PTPRN2: variants seen among roughly 807,000 people sequenced by gnomAD.
PTPRN2 encodes receptor-type tyrosine-protein phosphatase N2.
A neutral mutation model predicts 118.8 loss-of-function variants in PTPRN2; 74 were observed. The observed-to-expected ratio is 0.62, with a 90% confidence interval of 0.52 to 0.76. The LOEUF (loss-of-function observed/expected upper bound fraction) is 0.76. Among genes scored for constraint, PTPRN2 ranks in the 30% least tolerant of loss-of-function variants. The pLI is 0.00. For missense variants in PTPRN2, 1,481 were observed against 1,394.4 expected (o/e 1.06, Z -0.99); for synonymous variants, 641 against 608.0 (o/e 1.05, Z -0.80).
chr7:158,312,411 T>C (rs1290613841), intron 3 of PTPRN2, among the ~76,000 whole-genome samples: 1 of 35,054 alleles, frequency 2.9e-5, no homozygotes, highest in East Asian at 6.3e-4. Flanking sequence ...CATGCTCACA[T>C]GTAGACATAC....
At chr7:158,269,873 AAGAGACAGAG>A (rs960878656) in intron 3 of PTPRN2, among the ~76,000 whole-genome samples, 50 of 148,538 alleles carry the variant, frequency 3.4e-4, no homozygotes, top group African/African-American at 8.5e-4. Context: ...GAGAGACAGA[AAGAGACAGAG>A]AGAGACAGAG....
At chr7:158,546,000 A>G (rs1826253546) in intron 1 of PTPRN2, among the ~76,000 whole-genome samples, 1 of 152,230 alleles carries the variant, frequency 6.6e-6, no homozygotes, top group South Asian at 2.1e-4. Context: ...AGAAAGAAAG[A>G]AAGAAAAATT....
At chr7:157,885,299 C>T (rs1232184535) in intron 12 of PTPRN2, among the ~76,000 whole-genome samples, 4 of 152,188 alleles carry the variant, frequency 2.6e-5, no homozygotes, top group Non-Finnish European at 4.4e-5. Flanking sequence ...TGCCCTTACA[C>T]CTGCAGCACG....
chr7:157,593,337 G>A (rs774338007), intron 17 of PTPRN2, among the ~76,000 whole-genome samples: 1 of 152,112 alleles, frequency 6.6e-6, no homozygotes, highest in African/African-American at 2.4e-5. Flanking sequence ...GGGCATCATC[G>A]TGGTCATTGA....
chr7:157,877,096 T>A (rs1307772812), intron 12 of PTPRN2, among the ~76,000 whole-genome samples: 1 of 116,040 alleles, frequency 8.6e-6, no homozygotes, highest in Non-Finnish European at 1.8e-5. Context: ...GCAAGTGCCA[T>A]GGTCAGGGTT....
At chr7:157,682,999 A>G in intron 12 of PTPRN2, 62 bp from the exon 13 acceptor site, 2 of 1,376,146 alleles carry the variant, frequency 1.5e-6, no homozygotes, top group Admixed American at 1.9e-5. Context: ...CTAAAAACAC[A>G]CGTCTCCAAA....
intron 10 of PTPRN2, among the ~76,000 whole-genome samples, chr7:158,090,179 C>T (rs138387624): frequency 3.9e-4 from 10 of 25,580 alleles, no homozygotes; most frequent in African/African-American, 3.3e-4. Context: ...TTCACACAAA[C>T]CCTTCCTCCC....
intron 11 of PTPRN2, among the ~76,000 whole-genome samples, chr7:158,057,082 C>T (rs12536746): frequency 0.21 from 31,704 of 152,174 alleles, 3,621 homozygotes; most frequent in South Asian, 0.34. Flanking sequence ...AACTCGGGGA[C>T]GCTGCCCAGC....
In PTPRN2 at chr7:157,610,936, A is replaced by G. The variant is rs1802293529; in HGVS notation, c.2345-6861T>C. On this transcript the variant is annotated intron_variant, in intron 15 of 22. Transcript: ENST00000389418. The surrounding 1 kb of genome is among the most constrained non-coding windows in gnomAD (Gnocchi z 5.1). ...GTGTCATTCAGGGCCTCCGCAGCTC[A>G]GCATACAATGCTGCATCTGGGCAGA... Among the ~76,000 whole-genome samples the G allele has an allele frequency of 6.6e-6, 1 of 152,232 alleles. No individual in the cohort carries two copies. The highest frequency in any genetic ancestry group is 1.5e-5 in the Non-Finnish European group (1 of 68,040).
At position 158,192,536 on chromosome 7, in the gene PTPRN2, CTGGTGCCTGGAGCTGCTCTGTCCCCTG is replaced by C. The variant is rs1211133387; in HGVS notation, c.381-68_381-42del. On this transcript the variant is annotated intron_variant, in intron 4 of 22. Transcript: ENST00000389418. ...AAACCAGACATCAACCGCATGTTTG[CTGGTGCCTGGAGCTGCTCTGTCCCCTG>C]TGGTGCCTGGGTGCATGCAAGGGGC... The C allele has an allele frequency of 2.6e-6, 4 of 1,553,286 alleles. No homozygotes were observed. The African/African-American group carries it at 5.6e-5, about 22-fold the overall frequency.
chr7:157,648,500 A>T (rs1805302374), intron 14 of PTPRN2, among the ~76,000 whole-genome samples: 1 of 133,796 alleles, frequency 7.5e-6, no homozygotes, highest in Non-Finnish European at 1.6e-5. Flanking sequence ...GGTGGGTCGG[A>T]CCCATCCAGC....
At chr7:158,174,201 G>C (rs1329187730) in intron 5 of PTPRN2, among the ~76,000 whole-genome samples, 1 of 152,168 alleles carries the variant, frequency 6.6e-6, no homozygotes, top group Non-Finnish European at 1.5e-5. Flanking sequence ...TGTCCATGAA[G>C]TCTTCACAAT....
chr7:158,171,287 A>C (rs1823622051), intron 5 of PTPRN2, among the ~76,000 whole-genome samples: 2 of 74,276 alleles, frequency 2.7e-5, no homozygotes, highest in Non-Finnish European at 2.4e-5. Flanking sequence ...ACACATATAT[A>C]TACACACATA....
At chr7:158,331,822 G>A (rs1388904205) in intron 2 of PTPRN2, among the ~76,000 whole-genome samples, 2 of 148,576 alleles carry the variant, frequency 1.3e-5, no homozygotes, top group Non-Finnish European at 3.0e-5. Flanking sequence ...CACCCTAAGA[G>A]GTGACACCCG....
intron 12 of PTPRN2, chr7:157,864,670 G>C (rs1334602324): frequency 6.6e-6 from 1 of 152,288 alleles, no homozygotes; most frequent in African/African-American, 2.4e-5. Flanking sequence ...CTGCTGAAAC[G>C]CAGCCTGGCG....
intron 11 of PTPRN2, among the ~76,000 whole-genome samples, chr7:157,904,924 C>T (rs1339476750): frequency 6.6e-6 from 1 of 152,182 alleles, no homozygotes; most frequent in Non-Finnish European, 1.5e-5. Flanking sequence ...AAAAACAATG[C>T]CTCGTGGTCC....
chr7:158,526,378 G>A lies in PTPRN2; in HGVS notation c.113-36593C>T, dbSNP rs1265048776. On this transcript the variant is annotated intron_variant, in intron 1 of 22. Transcript: ENST00000389418. The surrounding 1 kb of genome is among the most constrained non-coding windows in gnomAD (Gnocchi z 5.2). ...GATAACCAGGTAGAGCCACGCTCAC[G>A]AGAACCACCAGCCACTCTGAGCTAG... Among the ~76,000 whole-genome samples, 2 of 152,192 alleles carry A rather than the reference G, an allele frequency of 1.3e-5. No homozygotes were observed. The highest frequency in any genetic ancestry group is 2.4e-5 in the African/African-American group (1 of 41,452).
intron 12 of PTPRN2, among the ~76,000 whole-genome samples, chr7:157,790,461 C>T (rs1040938018): frequency 1.1e-4 from 17 of 151,976 alleles, no homozygotes; most frequent in African/African-American, 4.1e-4. Context: ...TCGTGTTTTG[C>T]GTGAAGATCA....
chr7:158,402,110 T>C (rs911173286), intron 2 of PTPRN2, among the ~76,000 whole-genome samples: 6 of 151,942 alleles, frequency 3.9e-5, no homozygotes, highest in African/African-American at 1.5e-4. Flanking sequence ...AGTCAGCACA[T>C]CCAGCCACCC....
Sources: gnomAD v4.1 joint callset for allele counts (sites outside exome capture counted in the v4.1 genomes callset) on GRCh38, gnomAD v4.1.1 for gene constraint, Gnocchi (gnomAD v3.1) non-coding constraint, MANE v1.5 for transcripts, NCBI Gene and HGNC (gene_info 2026-07-23, HGNC 2026-07-21) for gene names.